The following CLCC1 variants were observed in gnomAD, a reference collection of about 807,000 sequenced individuals.
CLCC1 encodes chloride channel CLIC-like protein 1.
Under a neutral mutation model 63.3 loss-of-function variants are expected in CLCC1, and 39 were observed. That is an observed-to-expected ratio of 0.62 (90% CI 0.48 to 0.81). CLCC1 has a LOEUF of 0.81. Among genes scored for constraint, CLCC1 ranks in the 30% least tolerant of loss-of-function variants. The probability of loss-of-function intolerance (pLI) is 0.00; values close to 1 mark genes in which losing one functional copy is unlikely to be tolerated. For synonymous variants in CLCC1, 217 were observed against 239.8 expected (o/e 0.90, Z 0.88); for missense variants, 549 against 669.4 (o/e 0.82, Z 1.98).
chr1:108,950,500 A>T, intron 2 of CLCC1, 52 bp from the exon 3 acceptor site: 1 of 1,136,014 alleles, frequency 8.8e-7, no homozygotes, highest in Non-Finnish European at 1.2e-6. Context: ...TTTTAAATAA[A>T]TTGGGTTTTG....
In CLCC1 at chr1:108,932,471, G is replaced by A. The variant is rs1281099910; in HGVS notation, c.*76C>T. The A allele has an allele frequency of 2.0e-5, 3 of 152,178 alleles. No individual in the cohort carries two copies. The highest frequency in any genetic ancestry group is 2.9e-5 in the Non-Finnish European group (2 of 68,036). 9.4% of individuals were successfully genotyped at this position (152,178 alleles called of 1,614,324 possible). A position where few individuals can be genotyped will look rare whatever the true frequency, so the allele number is the denominator to read the frequency against. ...ACAGTTGCATGTCGCCTTGCTAGCT[G>A]TCAAAGTAGACTTCATCCCCAAATG... On this transcript the variant is annotated 3_prime_UTR_variant, in exon 13 of 13. Coordinates refer to ENST00000369969, the MANE Select transcript of CLCC1 (RefSeq NM_001377458.1).
chr1:108,938,596 A>G (rs1429909251), intron 10 of CLCC1, among the ~76,000 whole-genome samples: 2 of 152,210 alleles, frequency 1.3e-5, no homozygotes, highest in South Asian at 2.1e-4. Flanking sequence ...TAAAAAATCG[A>G]TAACAAAAAA....
intron 2 of CLCC1, among the ~76,000 whole-genome samples, chr1:108,958,310 A>G (rs866022237): frequency 2.6e-5 from 4 of 151,566 alleles, no homozygotes; most frequent in Middle Eastern, 3.4e-3. Flanking sequence ...ACAGTTCCTA[A>G]GTTTTCAATT....
rs1284094025 is a variant in CLCC1, at chr1:108,941,414, T to A, written c.787A>T (p.Ser263Cys). The A allele has an allele frequency of 1.2e-6, 2 of 1,613,880 alleles. No individual in the cohort carries two copies. The highest frequency in any genetic ancestry group is 2.7e-5 in the African/African-American group (2 of 74,928). The stretch of plus-strand genomic sequence containing the variant: ...TGCACAAACACCTTACCCCAGATAC[T>A]TCCAGTCCAGTCCATCTTTTTGGCA... ...VCAKKMDWTG[S>C]IWEWFRSSWT... Residue 263 changes from serine to cysteine, a missense_variant, in exon 8 of 13, where the codon AGT becomes TGT. Transcript: ENST00000369969.
intron 2 of CLCC1, among the ~76,000 whole-genome samples, chr1:108,954,509 A>C (rs1467844662): frequency 2.0e-5 from 3 of 150,828 alleles, no homozygotes; most frequent in Admixed American, 1.3e-4. Flanking sequence ...CAAAAACAAC[A>C]ACAACCACCA....
intron 11 of CLCC1, among the ~76,000 whole-genome samples, chr1:108,935,687 G>A (rs755633194): frequency 6.6e-6 from 1 of 152,168 alleles, no homozygotes; most frequent in Non-Finnish European, 1.5e-5. Context: ...AATCGGTTGA[G>A]CCCAGGATTT....
At position 108,932,269 on chromosome 1, in the gene CLCC1, C is replaced by T. The variant is rs1277108857; in HGVS notation, c.*278G>A. 6.6e-6 allele frequency: 1 copy of T among 151,554 alleles called. No individual in the cohort carries two copies. The highest frequency in any genetic ancestry group is 1.5e-5 in the Non-Finnish European group (1 of 67,888). 9.4% of individuals were successfully genotyped at this position (151,554 alleles called of 1,614,324 possible). On this transcript the variant is annotated 3_prime_UTR_variant, in exon 13 of 13. Coordinates refer to ENST00000369969, the MANE Select transcript of CLCC1 (RefSeq NM_001377458.1). ...AGCCTGGGTGACAGAGCAAAACTCT[C>T]AAAAAAAAGTAAAATTTCAAAAAAG...
At chr1:108,961,069 C>T (rs1206731739) in intron 2 of CLCC1, among the ~76,000 whole-genome samples, 2 of 152,062 alleles carry the variant, frequency 1.3e-5, no homozygotes, top group African/African-American at 4.8e-5. Context: ...TAATAACCAG[C>T]AGTTCCATAG....
intron 2 of CLCC1, among the ~76,000 whole-genome samples, chr1:108,954,893 C>T (rs1284111308): frequency 6.7e-6 from 1 of 149,292 alleles, no homozygotes; most frequent in Non-Finnish European, 1.5e-5. Context: ...AGTGCAATGG[C>T]ACGATCTTGG....
chr1:108,938,389 GAACTAA>G, intron 10 of CLCC1, among the ~76,000 whole-genome samples: 1 of 152,066 alleles, frequency 6.6e-6, no homozygotes, highest in South Asian at 2.1e-4. Context: ...TATGACTATA[GAACTAA>G]TGTCACCTAA....
intron 4 of CLCC1, among the ~76,000 whole-genome samples, chr1:108,948,409 G>GTATTTTTCA (rs958279760): frequency 4.0e-5 from 6 of 151,774 alleles, no homozygotes; most frequent in African/African-American, 1.4e-4. Context: ...AGGGTAGTGG[G>GTATTTTTCA]TATTTTTCAA....
At chr1:108,937,052 C>T in intron 11 of CLCC1, 25 bp downstream of exon 11, 1 of 1,438,530 alleles carries the variant, frequency 7.0e-7, no homozygotes, top group African/African-American at 1.4e-5. Flanking sequence ...GAAGGGACAG[C>T]AGAATAAAAG....
Position 108,963,436 on chromosome 1 carries a change from G to A in CLCC1, c.-248C>T, listed in dbSNP as rs573687333. 1.4e-5 allele frequency: 10 copies of A among 702,380 alleles called. No individual in the cohort carries two copies. The South Asian group carries it at 1.5e-4, about 10-fold the overall frequency. The allele number at this position is 702,380 out of a possible 1,614,324, so 43.5% of individuals were successfully genotyped here. ...CGCAGAAGAGGTCGCACAGCTTGCC[G>A]CCGCCCAGGGTTTCAGCGTGCTTCC... On this transcript the variant is annotated 5_prime_UTR_variant, in exon 1 of 13. Coordinates refer to ENST00000369969, the MANE Select transcript of CLCC1 (RefSeq NM_001377458.1).
Position 108,934,681 on chromosome 1 carries a change from G to C in CLCC1, c.1645C>G (p.Pro549Ala). 1 of 1,612,850 alleles carries C rather than the reference G, an allele frequency of 6.2e-7. No homozygotes were observed. Among genetic ancestry groups the C allele is most frequent in the East Asian group, 2.2e-5 (1 of 44,856 alleles). The change falls in exon 12 of 13, where the codon CCC becomes GCC. Residue 549 changes from proline to alanine, a missense_variant. Coordinates refer to ENST00000369969, the MANE Select transcript of CLCC1 (RefSeq NM_001377458.1). ...GTGCTGGTGTTCCTCTAGCCACAGG[G>C]GCTGCTGACCGGATCCTGTCCACGT... Reference protein sequence around the residue: ...GPRGQDPVSSPCG With the variant: ...GPRGQDPVSSACG
chr1:108,931,628 T>TTAAA lies in CLCC1; in HGVS notation c.*918_*919insTTTA. 2.5e-6 allele frequency: 2 copies of TTAAA among 810,286 alleles called. No individual in the cohort carries two copies. Among genetic ancestry groups the TTAAA allele is most frequent in the African/African-American group, 3.9e-5 (2 of 51,496 alleles). 50.2% of individuals were successfully genotyped at this position (810,286 alleles called of 1,614,324 possible). ...GAATTAATTACATTAAGTGCTCAGC[T>TTAAA]AAAAAAAAAAAAAAAGTTCTAAATT... On this transcript the variant is annotated 3_prime_UTR_variant, in exon 13 of 13. Transcript: ENST00000369969.
intron 7 of CLCC1, 36 bp from the exon 8 acceptor site, chr1:108,941,534 T>C: frequency 1.3e-6 from 2 of 1,567,690 alleles, no homozygotes; most frequent in Non-Finnish European, 1.8e-6. Flanking sequence ...GAGAGGCCGT[T>C]ACCTATGAAG....
rs748426701 is a variant in CLCC1 at position 108,929,986 on chromosome 1, A to AAT, written c.*2559_*2560dup. The AAT allele has an allele frequency of 4.5e-6, 7 of 1,550,802 alleles. No individual in the cohort carries two copies. In the African/African-American group the frequency reaches 9.6e-5, roughly 21 times the overall value. On this transcript the variant is annotated 3_prime_UTR_variant, in exon 13 of 13. Coordinates refer to ENST00000369969, the MANE Select transcript of CLCC1 (RefSeq NM_001377458.1). ...TTCCTTTCAAACACGGTAAGGAAAC[A>AAT]ATCTATTACTTTTTTCCTTAAAAGG...
intron 2 of CLCC1, among the ~76,000 whole-genome samples, chr1:108,956,912 G>GC (rs1343816398): frequency 2.0e-5 from 3 of 149,886 alleles, no homozygotes; most frequent in Admixed American, 6.6e-5. Context: ...AGGCGGGGAG[G>GC]GAGTGGTAGA....
chr1:108,932,278 G>A lies in CLCC1; in HGVS notation c.*269C>T, dbSNP rs1388557517. The A allele has an allele frequency of 6.6e-6, 1 of 151,990 alleles. No homozygotes were observed. Among genetic ancestry groups the A allele is most frequent in the Non-Finnish European group, 1.5e-5 (1 of 67,962 alleles). The allele number at this position is 151,990 out of a possible 1,614,324, so 9.4% of individuals were successfully genotyped here. The stretch of plus-strand genomic sequence containing the variant: ...GACAGAGCAAAACTCTCAAAAAAAA[G>A]TAAAATTTCAAAAAAGCTTCACAAT... On this transcript the variant is annotated 3_prime_UTR_variant, in exon 13 of 13. Coordinates refer to ENST00000369969, the MANE Select transcript of CLCC1 (RefSeq NM_001377458.1).
Sources: gnomAD v4.1 joint callset for allele counts (sites outside exome capture counted in the v4.1 genomes callset) on GRCh38, gnomAD v4.1.1 for gene constraint, MANE v1.5 for transcripts, NCBI Gene and HGNC (gene_info 2026-07-23, HGNC 2026-07-21) for gene names.